PPM1H: variants seen among roughly 807,000 people sequenced by gnomAD.
The protein encoded by PPM1H is protein phosphatase, Mg2+/Mn2+ dependent 1H.
Under a neutral mutation model 54.9 loss-of-function variants are expected in PPM1H, and 27 were observed. That is an observed-to-expected ratio of 0.49 (90% CI 0.36 to 0.68). PPM1H has a LOEUF of 0.68. Ranked by LOEUF, PPM1H falls within the 30% of genes least tolerant of loss-of-function variation. PPM1H has a pLI of 0.00. For synonymous variants in PPM1H, 305 were observed against 270.8 expected, an observed-to-expected ratio of 1.13 and a Z score of -1.24; for missense variants, 596 against 667.8, an observed-to-expected ratio of 0.89 and a Z score of 1.19.
rs1872274196 is a variant in PPM1H, at chr12:62,934,800, C to A, written c.-64G>T. 12 of 1,387,352 alleles carry A rather than the reference C, an allele frequency of 8.6e-6. No individual in the cohort carries two copies. The South Asian group carries it at 2.1e-4, about 25-fold the overall frequency. 85.9% of individuals were successfully genotyped at this position (1,387,352 alleles called of 1,614,324 possible). On this transcript the variant is annotated 5_prime_UTR_variant, in exon 1 of 10. Coordinates refer to ENST00000228705, the MANE Select transcript of PPM1H (RefSeq NM_020700.2). This position sits in a 1 kb window ranked among gnomAD's most constrained non-coding sequence, Gnocchi z 4.2. ...GCGGCGGGGGCCGGGCAAGGCGCAG[C>A]GCGGGGCATGCAGGCTGCGGTGGGC...
At chr12:62,893,089 TA>T (rs1275877268) in intron 1 of PPM1H, among the ~76,000 whole-genome samples, 1 of 152,216 alleles carries the variant, frequency 6.6e-6, no homozygotes, top group Non-Finnish European at 1.5e-5. Context: ...GGTCTGTTTT[TA>T]TACTGCCTCT....
At chr12:62,649,201 T>G (rs199922552) in intron 9 of PPM1H, among the ~76,000 whole-genome samples, 2,511 of 23,568 alleles carry the variant, frequency 0.11, 40 homozygotes, top group Non-Finnish European at 0.16. Context: ...AGTTTTTTGG[T>G]TTTTTTTTTT....
At chr12:62,898,047 G>A (rs559777389) in intron 1 of PPM1H, among the ~76,000 whole-genome samples, 1 of 152,122 alleles carries the variant, frequency 6.6e-6, no homozygotes. Context: ...GCCCAGCTTG[G>A]GGAACAGTCA....
chr12:62,932,082 CTT>C lies in PPM1H; in HGVS notation c.245+2408_245+2409del, dbSNP rs76519920. On this transcript the variant is annotated intron_variant, in intron 1 of 9. Transcript: ENST00000228705. ...GTGAGGGCTGGGGAAGAGGGGCTGA[CTT>C]TTTTTTTTTTTTTTTAAATAGGTCT... is the stretch of plus-strand genomic sequence containing the variant. 6.4e-4 allele frequency among the ~76,000 whole-genome samples: 86 copies of C among 135,420 alleles called. No homozygotes were observed. In the East Asian group the frequency reaches 9.0e-3, roughly 14 times the overall value. The allele number at this position is 135,420 out of a possible 152,430, so 88.8% of individuals were successfully genotyped here.
intron 2 of PPM1H, among the ~76,000 whole-genome samples, chr12:62,829,985 A>G (rs1256031624): frequency 6.6e-6 from 1 of 152,218 alleles, no homozygotes; most frequent in Non-Finnish European, 1.5e-5. Flanking sequence ...GCCCTTTCCC[A>G]TAATAACAAT....
At chr12:62,763,740 C>G (rs967349175) in intron 4 of PPM1H, among the ~76,000 whole-genome samples, 5 of 152,156 alleles carry the variant, frequency 3.3e-5, no homozygotes, top group African/African-American at 7.2e-5. Flanking sequence ...GCTTAGAAAT[C>G]TTCAATCGTT....
chr12:62,903,162 T>C (rs1234409549), intron 1 of PPM1H, among the ~76,000 whole-genome samples: 1 of 152,202 alleles, frequency 6.6e-6, no homozygotes, highest in Admixed American at 6.5e-5. Flanking sequence ...ATTCAGACAT[T>C]ACCAGATTCC....
Position 62,832,106 on chromosome 12 carries a change from G to C in PPM1H, c.411+8C>G, listed in dbSNP as rs1217103542. On this transcript the variant is annotated splice_region_variant and intron_variant, in intron 2 of 9. Transcript: ENST00000228705. ...CACCTGAGAACCAAGGATCGAGAAG[G>C]GTCTTACCGAGTTCTCCTTCAGCTG... 1 of 1,613,156 alleles carries C rather than the reference G, an allele frequency of 6.2e-7. No homozygotes were observed. Among genetic ancestry groups the C allele is most frequent in the Admixed American group, 1.7e-5 (1 of 59,998 alleles).
At chr12:62,879,018 C>T (rs558593028) in intron 1 of PPM1H, among the ~76,000 whole-genome samples, 24 of 152,284 alleles carry the variant, frequency 1.6e-4, no homozygotes, top group African/African-American at 2.6e-4. Flanking sequence ...AGAGCACCTG[C>T]GATGGCAAGT....
intron 1 of PPM1H, among the ~76,000 whole-genome samples, chr12:62,847,388 T>C (rs994527689): frequency 6.6e-6 from 1 of 152,190 alleles, no homozygotes; most frequent in African/African-American, 2.4e-5. Flanking sequence ...CTCACTATAC[T>C]ATCATTATTA....
At chr12:62,753,206 T>C (rs760400085) in intron 4 of PPM1H, among the ~76,000 whole-genome samples, 1 of 152,252 alleles carries the variant, frequency 6.6e-6, no homozygotes, top group Non-Finnish European at 1.5e-5. Context: ...TTCTCTCATC[T>C]ACCTTCTAAC....
chr12:62,844,157 A>C lies in PPM1H; in HGVS notation c.246-11878T>G, dbSNP rs1011473399. Among the ~76,000 whole-genome samples, 5 of 152,240 alleles carry C rather than the reference A, an allele frequency of 3.3e-5. No homozygotes were observed. The highest frequency in any genetic ancestry group is 1.2e-4 in the African/African-American group (5 of 41,464). On this transcript the variant is annotated intron_variant, in intron 1 of 9. Coordinates refer to ENST00000228705, the MANE Select transcript of PPM1H (RefSeq NM_020700.2). This position sits in a 1 kb window ranked among gnomAD's most constrained non-coding sequence, Gnocchi z 5.2. Reference sequence around the variant, plus strand: ...CGCAGTGCAAAGCTTAAGAACAGCCACCTGGGCAGCACACACTCCAAATGG... The same window carrying C: ...CGCAGTGCAAAGCTTAAGAACAGCCCCCTGGGCAGCACACACTCCAAATGG...
At chr12:62,838,189 C>T (rs11174687) in intron 1 of PPM1H, among the ~76,000 whole-genome samples, 17,161 of 152,102 alleles carry the variant, frequency 0.11, 1,839 homozygotes, top group African/African-American at 0.28. Context: ...CTTGACAGTT[C>T]AGGCTAAAAA....
At chr12:62,916,799 G>A (rs1463386073) in intron 1 of PPM1H, among the ~76,000 whole-genome samples, 1 of 152,108 alleles carries the variant, frequency 6.6e-6, no homozygotes, top group Non-Finnish European at 1.5e-5. Flanking sequence ...TAGGGAGGAA[G>A]CTGATGTAGG....
intron 1 of PPM1H, among the ~76,000 whole-genome samples, chr12:62,888,337 G>A (rs1023551751): frequency 2.0e-5 from 3 of 152,118 alleles, no homozygotes; most frequent in South Asian, 2.1e-4. Flanking sequence ...AAGGGGAGTC[G>A]TCCAGTAGTT....
rs140346439 is a variant in PPM1H, at chr12:62,668,514, T to C, written c.1246-1185A>G. Among the ~76,000 whole-genome samples, 712 of 152,298 alleles carry C rather than the reference T, an allele frequency of 4.7e-3. 3 individuals carry two copies. The highest frequency in any genetic ancestry group is 0.016 in the African/African-American group (670 of 41,584). ...CTTCAGCCTCCCAAGTAGCTGGGAT[T>C]ACAGGTGCATGCCACTACACCCAGC... On this transcript the variant is annotated intron_variant, in intron 8 of 9. Coordinates refer to ENST00000228705, the MANE Select transcript of PPM1H (RefSeq NM_020700.2).
intron 4 of PPM1H, among the ~76,000 whole-genome samples, chr12:62,786,086 A>ACAGGAAAC (rs2076669143): frequency 1.3e-5 from 2 of 152,152 alleles, no homozygotes. Context: ...ATTTTAAAGG[A>ACAGGAAAC]CAGGAAACCA....
At chr12:62,913,967 TG>T in intron 1 of PPM1H, among the ~76,000 whole-genome samples, 1 of 152,314 alleles carries the variant, frequency 6.6e-6, no homozygotes, top group African/African-American at 2.4e-5. Context: ...CCCAAAGTGC[TG>T]GGATTACAGG....
intron 6 of PPM1H, among the ~76,000 whole-genome samples, chr12:62,704,638 TG>T: frequency 6.6e-6 from 1 of 152,196 alleles, no homozygotes; most frequent in East Asian, 1.9e-4. Context: ...ATAGTACCTT[TG>T]AATTGTGAGT....
Sources: allele counts gnomAD v4.1 joint callset (sites outside exome capture counted in the v4.1 genomes callset), GRCh38; gene constraint gnomAD v4.1.1; non-coding constraint Gnocchi (gnomAD v3.1); transcripts MANE v1.5; gene names NCBI Gene and HGNC (gene_info 2026-07-23, HGNC 2026-07-21).